IL18: variants seen among roughly 807,000 people sequenced by gnomAD.
IL18 encodes the protein interleukin-18.
In IL18, 8 loss-of-function variants were observed where a neutral mutation model predicts 14.2. That is an observed-to-expected ratio of 0.56 (90% CI 0.33 to 1.01). The LOEUF (loss-of-function observed/expected upper bound fraction) is 1.01. IL18 is among the 50% of genes least tolerant of loss of function. The pLI, the probability that IL18 is intolerant of heterozygous loss-of-function variation, is 0.03. For synonymous variants in IL18, 67 were observed against 71.0 expected (o/e 0.94, Z 0.28); for missense variants, 166 against 231.1 (o/e 0.72, Z 1.83).
At position 112,160,394 on chromosome 11, in the gene IL18, C is replaced by A. The variant is rs190742921; in HGVS notation, c.-9+3512G>T. Among the ~76,000 whole-genome samples the A allele has an allele frequency of 4.7e-5, 7 of 149,112 alleles. No homozygotes were observed. The East Asian group carries it at 1.0e-3, about 22-fold the overall frequency. ...TTTAATAGTTCCTCTAGGAAAACTTCTCTGCTCTTTCATTCCTAGCTAATT... is the reference window on the plus strand; with the variant it reads ...TTTAATAGTTCCTCTAGGAAAACTTATCTGCTCTTTCATTCCTAGCTAATT... On this transcript the variant is annotated intron_variant, in intron 1 of 5. Transcript: ENST00000280357.
intron 1 of IL18, among the ~76,000 whole-genome samples, chr11:112,155,548 G>C (rs1007701186): frequency 6.6e-6 from 1 of 152,136 alleles, no homozygotes; most frequent in Non-Finnish European, 1.5e-5. Context: ...TTCCATCTGA[G>C]GGTACAGGCA....
chr11:112,146,134 G>A (rs1866338936), intron 5 of IL18, among the ~76,000 whole-genome samples: 1 of 150,804 alleles, frequency 6.6e-6, no homozygotes, highest in South Asian at 2.1e-4. Context: ...AAGTCTGAGG[G>A]AACCCTGGCC....
In IL18 at chr11:112,148,600, T is replaced by C. The variant is rs1262381679; in HGVS notation, c.360+3A>G. On this transcript the variant is annotated splice_donor_region_variant and intron_variant, in intron 5 of 5. Transcript: ENST00000280357. ...TTGAAAACAAAGTAAGGCTCAGTCTTACCTTAAAGGAAATAATTTTGTTCT... is the reference window on the plus strand; with the variant it reads ...TTGAAAACAAAGTAAGGCTCAGTCTCACCTTAAAGGAAATAATTTTGTTCT... 4.1e-6 allele frequency: 6 copies of C among 1,468,428 alleles called. No homozygotes were observed. The East Asian group carries it at 7.9e-5, about 19-fold the overall frequency. The allele number at this position is 1,468,428 out of a possible 1,614,324, so 91.0% of individuals were successfully genotyped here.
chr11:112,155,801 G>A (rs1406297379), intron 1 of IL18, among the ~76,000 whole-genome samples: 1 of 152,130 alleles, frequency 6.6e-6, no homozygotes, highest in East Asian at 1.9e-4. Context: ...TATGGAATAG[G>A]AGTTCTCAGT....
intron 2 of IL18, 131 bp from the exon 3 acceptor site, chr11:112,153,734 G>A (rs1866486702): frequency 3.7e-6 from 2 of 544,394 alleles, no homozygotes; most frequent in Admixed American, 6.9e-5. Flanking sequence ...TTAAGGGTCT[G>A]TCTTGGCTTT....
chr11:112,158,368 C>T (rs1177546242), intron 1 of IL18, among the ~76,000 whole-genome samples: 2 of 152,200 alleles, frequency 1.3e-5, no homozygotes, highest in African/African-American at 2.4e-5. Context: ...ACAACCAAAG[C>T]ATATTGTTGC....
At chr11:112,145,814 G>A (rs1462930283) in intron 5 of IL18, among the ~76,000 whole-genome samples, 1 of 152,118 alleles carries the variant, frequency 6.6e-6, no homozygotes, top group Non-Finnish European at 1.5e-5. Context: ...GGTAGAACAG[G>A]CAATCTCTTT....
chr11:112,145,628 G>A (rs1474532947), intron 5 of IL18, among the ~76,000 whole-genome samples: 1 of 152,080 alleles, frequency 6.6e-6, no homozygotes, highest in African/African-American at 2.4e-5. Context: ...AGTCCCAGCT[G>A]CTTGGGAGGG....
chr11:112,155,648 T>C (rs941165936), intron 1 of IL18, among the ~76,000 whole-genome samples: 8 of 152,194 alleles, frequency 5.3e-5, no homozygotes, highest in Admixed American at 3.3e-4. Context: ...TCGATTATAC[T>C]ATATTTTTAA....
chr11:112,148,452 T>C (rs1866378576), intron 5 of IL18, 151 bp downstream of exon 5: 1 of 348,654 alleles, frequency 2.9e-6, no homozygotes, highest in Non-Finnish European at 5.0e-6. Flanking sequence ...GTTCTCTGCT[T>C]CTTGTTATTT....
At chr11:112,163,257 CA>C (rs1866664428) in intron 1 of IL18, among the ~76,000 whole-genome samples, 1 of 152,148 alleles carries the variant, frequency 6.6e-6, no homozygotes, top group Admixed American at 6.5e-5. Context: ...GCAGATTTCA[CA>C]AGATGACTAA....
chr11:112,159,595 A>C (rs1866595807), intron 1 of IL18, among the ~76,000 whole-genome samples: 2 of 152,184 alleles, frequency 1.3e-5, no homozygotes, highest in Non-Finnish European at 2.9e-5. Flanking sequence ...ATTCATTAAG[A>C]AAAAAGAACG....
chr11:112,154,884 A>G, intron 2 of IL18, 91 bp downstream of exon 2: 1 of 768,730 alleles, frequency 1.3e-6, no homozygotes, highest in Non-Finnish European at 2.1e-6. Flanking sequence ...TTGGTGACAA[A>G]AAGAGTCACT....
At chr11:112,161,467 T>TTA (rs999404343) in intron 1 of IL18, among the ~76,000 whole-genome samples, 22 of 152,218 alleles carry the variant, frequency 1.4e-4, no homozygotes, top group African/African-American at 5.3e-4. Flanking sequence ...GGCATATTTA[T>TTA]TATACAACCA....
At chr11:112,146,152 GATATAGATACATATATACATGTATATGT>G (rs1866339415) in intron 5 of IL18, among the ~76,000 whole-genome samples, 1 of 151,174 alleles carries the variant, frequency 6.6e-6, no homozygotes, top group Non-Finnish European at 1.5e-5. Context: ...GCCAAGCCTG[GATATAGATACATATATACATGTATATGT>G]ATATATATGA....
At chr11:112,150,369 G>T in intron 3 of IL18, 163 bp from the exon 4 acceptor site, 1 of 555,966 alleles carries the variant, frequency 1.8e-6, no homozygotes, top group Non-Finnish European at 3.2e-6. Flanking sequence ...ACTCTCAAAG[G>T]CACACTCAAT....
chr11:112,155,126 T>A (rs1024131680), intron 1 of IL18, 65 bp from the exon 2 acceptor site: 10 of 914,066 alleles, frequency 1.1e-5, no homozygotes, highest in Non-Finnish European at 1.8e-5. Context: ...TACTTTATAC[T>A]ACCTTCAAGT....
chr11:112,152,846 A>G (rs538515420), intron 3 of IL18, among the ~76,000 whole-genome samples: 3 of 152,360 alleles, frequency 2.0e-5, no homozygotes, highest in East Asian at 3.9e-4. Flanking sequence ...AAAATTCTCT[A>G]TCTTATTCAG....
rs5744273 is a variant in IL18, at chr11:112,146,472, C to T, written c.360+2131G>A. 5.0e-3 allele frequency among the ~76,000 whole-genome samples: 767 copies of T among 152,268 alleles called. 12 individuals carry two copies. Among genetic ancestry groups the T allele is most frequent in the African/African-American group, 0.017 (720 of 41,560 alleles). The stretch of plus-strand genomic sequence containing the variant: ...AGTAGCTGGGATTACAGGTGCATGC[C>T]ACCATGCCTGGCTAATTTTTGTATT... On this transcript the variant is annotated intron_variant, in intron 5 of 5. Coordinates refer to ENST00000280357, the MANE Select transcript of IL18 (RefSeq NM_001562.4).
Sources: allele counts gnomAD v4.1 joint callset (sites outside exome capture counted in the v4.1 genomes callset), GRCh38; gene constraint gnomAD v4.1.1; transcripts MANE v1.5; gene names NCBI Gene and HGNC (gene_info 2026-07-23, HGNC 2026-07-21).